Variants in REDIC1 observed in about 807,000 individuals in gnomAD.
The protein encoded by REDIC1 is HEI10 Interacting Protein 1.
the REDIC1 span, among the ~76,000 whole-genome samples, chr12:39,691,356 T>C: frequency 1.4e-4 from 21 of 152,250 alleles, no homozygotes; most frequent in South Asian, 1.9e-3. Context: ...AGAGAATGTA[T>C]AGAAAAAAAT....
the REDIC1 span, among the ~76,000 whole-genome samples, chr12:39,846,093 C>G: frequency 2.0e-5 from 3 of 152,018 alleles, no homozygotes; most frequent in Non-Finnish European, 4.4e-5. Context: ...AAAACAATTG[C>G]CCAAACAAAA....
the REDIC1 span, among the ~76,000 whole-genome samples, chr12:39,851,243 T>C: frequency 3.9e-5 from 6 of 152,172 alleles, no homozygotes; most frequent in African/African-American, 1.4e-4. Flanking sequence ...AAAATAAATA[T>C]TTCATTTGTT....
the REDIC1 span, among the ~76,000 whole-genome samples, chr12:39,631,023 C>A: frequency 6.6e-6 from 1 of 151,940 alleles, no homozygotes; most frequent in Non-Finnish European, 1.5e-5. Context: ...TCAGTAGCTG[C>A]GATTACAGGA....
At chr12:39,771,539 T>C in the REDIC1 span, among the ~76,000 whole-genome samples, 1 of 152,224 alleles carries the variant, frequency 6.6e-6, no homozygotes, top group Admixed American at 6.5e-5. Context: ...CAGCTGAGCC[T>C]TAGAGGAAAC....
At chr12:39,712,856 T>TACATATACAC in the REDIC1 span, among the ~76,000 whole-genome samples, 99 of 141,056 alleles carry the variant, frequency 7.0e-4, no homozygotes, top group Non-Finnish European at 1.1e-3. Context: ...TATACACATA[T>TACATATACAC]GTATATACAC....
the REDIC1 span, among the ~76,000 whole-genome samples, chr12:39,834,980 C>T: frequency 6.6e-6 from 1 of 152,068 alleles, no homozygotes; most frequent in Non-Finnish European, 1.5e-5. Context: ...ATGGCTATTA[C>T]ATTTTTCACT....
chr12:39,713,741 G>A, the REDIC1 span, among the ~76,000 whole-genome samples: 2 of 147,882 alleles, frequency 1.4e-5, no homozygotes, highest in Non-Finnish European at 3.0e-5. Flanking sequence ...ATATACATAT[G>A]TATATATACA....
the REDIC1 span, among the ~76,000 whole-genome samples, chr12:39,725,991 T>A: frequency 6.6e-6 from 1 of 152,098 alleles, no homozygotes; most frequent in Non-Finnish European, 1.5e-5. Context: ...GTGTGATACT[T>A]GCATTATGCT....
At chr12:39,729,992 T>C in the REDIC1 span, among the ~76,000 whole-genome samples, 4 of 152,216 alleles carry the variant, frequency 2.6e-5, no homozygotes, top group African/African-American at 9.6e-5. Context: ...CCCTGCTTTT[T>C]TTGCTTTCTA....
the REDIC1 span, among the ~76,000 whole-genome samples, chr12:39,848,053 G>A: frequency 6.6e-6 from 1 of 152,006 alleles, no homozygotes; most frequent in Admixed American, 6.6e-5. Flanking sequence ...TGAAAAGTGG[G>A]AAAGTCAAAG....
At chr12:39,675,895 C>T in the REDIC1 span, among the ~76,000 whole-genome samples, 3 of 152,284 alleles carry the variant, frequency 2.0e-5, no homozygotes, top group East Asian at 5.8e-4. Flanking sequence ...CATAGGGGAA[C>T]AGGGAGAGCA....
At chr12:39,704,514 C>T in the REDIC1 span, among the ~76,000 whole-genome samples, 8 of 152,246 alleles carry the variant, frequency 5.3e-5, no homozygotes, top group South Asian at 2.1e-4. Flanking sequence ...GGCAGTGTGG[C>T]GATTCCTCAG....
At chr12:39,700,721 GACTA>G in the REDIC1 span, among the ~76,000 whole-genome samples, 2 of 151,956 alleles carry the variant, frequency 1.3e-5, no homozygotes, top group African/African-American at 4.8e-5. Context: ...AAGCCCATCA[GACTA>G]ACAGTGGATC....
chr12:39,679,918 C>G, the REDIC1 span, among the ~76,000 whole-genome samples: 13 of 152,074 alleles, frequency 8.5e-5, no homozygotes, highest in Admixed American at 2.6e-4. Flanking sequence ...ACAAATGGTG[C>G]TGGGATAGTT....
At chr12:39,707,749 T>TA in the REDIC1 span, among the ~76,000 whole-genome samples, 1 of 151,938 alleles carries the variant, frequency 6.6e-6, no homozygotes, top group African/African-American at 2.4e-5. Flanking sequence ...TTGCATTTTT[T>TA]AAAAAGTTTT....
the REDIC1 span, chr12:39,684,907 T>G: frequency 1.9e-6 from 3 of 1,612,478 alleles, no homozygotes; most frequent in East Asian, 6.7e-5. Flanking sequence ...TAAGCAGTCA[T>G]GGGACTTTGG....
chr12:39,775,732 A>G, the REDIC1 span, among the ~76,000 whole-genome samples: 2 of 152,206 alleles, frequency 1.3e-5, no homozygotes, highest in African/African-American at 4.8e-5. Flanking sequence ...AGTGACTGGA[A>G]ATATAAAAAA....
the REDIC1 span, among the ~76,000 whole-genome samples, chr12:39,879,576 G>A: frequency 6.6e-6 from 1 of 152,178 alleles, no homozygotes; most frequent in African/African-American, 2.4e-5. Context: ...AAACTTGCAT[G>A]GGGCCTGTAC....
the REDIC1 span, among the ~76,000 whole-genome samples, chr12:39,704,955 G>A: frequency 3.1e-3 from 473 of 152,038 alleles, 7 homozygotes; most frequent in African/African-American, 0.011. Flanking sequence ...ATGGCATTGG[G>A]AGATATACCT....
Sources: gnomAD v4.1 joint callset for allele counts (sites outside exome capture counted in the v4.1 genomes callset) on GRCh38, gnomAD v4.1.1 for gene constraint, MANE v1.5 for transcripts, NCBI Gene and HGNC (gene_info 2026-07-23, HGNC 2026-07-21) for gene names.